Variants in BMX observed in about 807,000 individuals in gnomAD.
BMX encodes the protein cytoplasmic tyrosine-protein kinase BMX.
In BMX, 31 loss-of-function variants were observed where a neutral mutation model predicts 59.2. The observed-to-expected ratio is 0.52, with a 90% CI of 0.39 to 0.71. The LOEUF is 0.71. Among genes scored for constraint, BMX ranks in the 30% least tolerant of loss-of-function variants. The probability of loss-of-function intolerance (pLI) is 0.00; values close to 1 mark genes in which losing one functional copy is unlikely to be tolerated. For missense variants in BMX, 474 were observed against 491.7 expected (o/e 0.96, Z 0.34); for synonymous variants, 185 against 181.0 (o/e 1.02, Z -0.18).
At chrX:15,504,424 C>T (rs1173338174) in intron 1 of BMX, among the ~76,000 whole-genome samples, 2 of 111,453 alleles carry the variant, frequency 1.8e-5, no homozygotes, top group East Asian at 2.8e-4. Flanking sequence ...CCATGCCTTC[C>T]GAGTCTGCCA....
At chrX:15,534,987 A>T (rs1925264183) in intron 12 of BMX, among the ~76,000 whole-genome samples, 1 of 111,617 alleles carries the variant, frequency 9.0e-6, no homozygotes, top group Admixed American at 9.6e-5. Flanking sequence ...TCACATTATA[A>T]TGGATGTTTC....
rs749036712 is a variant in BMX, at chrX:15,531,417, A to G, written c.1019+10A>G. On this transcript the variant is annotated intron_variant, in intron 11 of 18. Coordinates refer to ENST00000348343, the MANE Select transcript of BMX (RefSeq NM_203281.3). ...TTAGTAAGGCTGTGAAGTAAGTATG[A>G]TACGGATTAATTTCTTTTCTCTTTC... 7 of 1,156,475 alleles carry G rather than the reference A, an allele frequency of 6.1e-6. No homozygotes were observed. The highest frequency in any genetic ancestry group is 8.2e-6 in the Non-Finnish European group (7 of 851,252).
At chrX:15,514,022 G>A (rs149004455) in intron 4 of BMX, among the ~76,000 whole-genome samples, 55 of 111,594 alleles carry the variant, frequency 4.9e-4, no homozygotes, top group Middle Eastern at 4.6e-3. Context: ...TCTTATTGTC[G>A]TTATTAGGTG....
chrX:15,508,606 T>A (rs1427193919), intron 2 of BMX, 115 bp downstream of exon 2: 2 of 503,818 alleles, frequency 4.0e-6, no homozygotes, highest in African/African-American at 2.5e-5. Flanking sequence ...ACTGTGAAGA[T>A]CCTCTTCTAT....
intron 14 of BMX, among the ~76,000 whole-genome samples, chrX:15,538,695 C>T (rs1162889957): frequency 1.8e-5 from 2 of 111,710 alleles, no homozygotes; most frequent in African/African-American, 3.3e-5. Context: ...TAGTAAAAGT[C>T]GAAAAGCAGA....
chrX:15,536,772 G>A (rs144617512), intron 13 of BMX, among the ~76,000 whole-genome samples: 2,769 of 110,634 alleles, frequency 0.025, 79 homozygotes, highest in African/African-American at 0.085. Flanking sequence ...CACATCCACT[G>A]CGATCACAGT....
At chrX:15,507,357 TGAGAGTCAAAGTTAAG>T in intron 1 of BMX, 1 of 755,256 alleles carries the variant, frequency 1.3e-6, no homozygotes, top group Non-Finnish European at 1.6e-6. Flanking sequence ...GCTTAGAGCT[TGAGAGTCAAAGTTAAG>T]GACCCACATG....
At chrX:15,533,828 C>T (rs770323057) in intron 11 of BMX, among the ~76,000 whole-genome samples, 9 of 111,379 alleles carry the variant, frequency 8.1e-5, no homozygotes, top group Admixed American at 2.9e-4. Flanking sequence ...CTCATTTCCA[C>T]CTCCATTATT....
chrX:15,550,038 A>G (rs1926118197), intron 18 of BMX, 41 bp downstream of exon 18: 1 of 1,160,281 alleles, frequency 8.6e-7, no homozygotes, highest in Non-Finnish European at 1.2e-6. Flanking sequence ...GGTCTCAGGC[A>G]CATCCGGGGT....
intron 1 of BMX, among the ~76,000 whole-genome samples, chrX:15,507,141 C>T (rs987563919): frequency 1.2e-4 from 14 of 112,896 alleles, no homozygotes; most frequent in Admixed American, 9.3e-4. Flanking sequence ...ATAGTGGGTC[C>T]ATCATACTCC....
At chrX:15,508,630 G>C in intron 2 of BMX, 139 bp downstream of exon 2, 2 of 416,574 alleles carry the variant, frequency 4.8e-6, no homozygotes, top group Non-Finnish European at 7.7e-6. Flanking sequence ...CTTATCACAT[G>C]ACCTTTTCTT....
At chrX:15,539,775 G>T (rs751916575) in intron 14 of BMX, among the ~76,000 whole-genome samples, 17 of 112,094 alleles carry the variant, frequency 1.5e-4, no homozygotes, top group African/African-American at 5.5e-4. Flanking sequence ...TGTAAAAACT[G>T]AGTGTCCCTT....
At chrX:15,517,758 G>A (rs1451082346) in intron 5 of BMX, among the ~76,000 whole-genome samples, 171 bp from the exon 6 acceptor site, 2 of 112,545 alleles carry the variant, frequency 1.8e-5, no homozygotes, top group Non-Finnish European at 3.8e-5. Flanking sequence ...CTACATAGGA[G>A]TTGGGCCTTA....
intron 11 of BMX, 30 bp from the exon 12 acceptor site, chrX:15,534,182 T>C: frequency 9.1e-7 from 1 of 1,103,999 alleles, no homozygotes; most frequent in Non-Finnish European, 1.2e-6. Context: ...TTGTTTATTT[T>C]AAATGTTCTA....
At chrX:15,516,370 A>G (rs950139658) in intron 5 of BMX, 139 bp downstream of exon 5, 6 of 779,425 alleles carry the variant, frequency 7.7e-6, no homozygotes, top group Non-Finnish European at 1.1e-5. Flanking sequence ...AGCCTTGCAG[A>G]TGCTATGTGA....
intron 5 of BMX, 40 bp downstream of exon 5, chrX:15,516,271 A>T (rs202163128): frequency 2.4e-5 from 29 of 1,190,528 alleles, no homozygotes; most frequent in Middle Eastern, 3.2e-4. Context: ...CGTTGGGTGG[A>T]TAGTGCTCCA....
chrX:15,542,234 G>A (rs775005499), intron 15 of BMX, 36 bp downstream of exon 15: 71 of 1,163,233 alleles, frequency 6.1e-5, no homozygotes, highest in Non-Finnish European at 8.3e-5. Context: ...AGAAAAGAAA[G>A]CAGTCCACGG....
chrX:15,522,644 T>C (rs1465822431), intron 7 of BMX, 57 bp downstream of exon 7: 5 of 1,183,562 alleles, frequency 4.2e-6, no homozygotes, highest in Non-Finnish European at 5.7e-6. Flanking sequence ...CTACCCCGGC[T>C]GCCCTGGACC....
In BMX at chrX:15,508,380, ACTT is replaced by A. The variant is rs773743068; in HGVS notation, c.33_35del (p.Leu12del). ...TGGATACAAAATCTATTCTAGAAGA[ACTT>A]CTTCTCAAAAGATCACAGCAAAAGA... On this transcript the variant is annotated inframe_deletion, in exon 2 of 19. Coordinates refer to ENST00000348343, the MANE Select transcript of BMX (RefSeq NM_203281.3). The A allele has an allele frequency of 8.7e-7, 1 of 1,147,595 alleles. No individual in the cohort carries two copies. The highest frequency in any genetic ancestry group is 2.5e-5 in the Admixed American group (1 of 40,119). 94.6% of individuals were successfully genotyped at this position (1,147,595 alleles called of 1,213,427 possible). A position where few individuals can be genotyped will look rare whatever the true frequency, so the allele number is the denominator to read the frequency against.
Sources: gnomAD v4.1 joint callset for allele counts (sites outside exome capture counted in the v4.1 genomes callset) on GRCh38, gnomAD v4.1.1 for gene constraint, MANE v1.5 for transcripts, NCBI Gene and HGNC (gene_info 2026-07-23, HGNC 2026-07-21) for gene names.